The following LFNG variants were observed in gnomAD, a reference collection of about 807,000 sequenced individuals.
LFNG encodes LFNG O-fucosylpeptide 3-beta-N-acetylglucosaminyltransferase, also known as beta-1,3-N-acetylglucosaminyltransferase lunatic fringe.
In LFNG, 15 loss-of-function variants were observed where a neutral mutation model predicts 32.7. The ratio of observed to expected loss-of-function variants is 0.46; its 90% CI spans 0.31 to 0.71. The LOEUF (loss-of-function observed/expected upper bound fraction) is 0.71. Ranked by LOEUF, LFNG falls within the 30% of genes least tolerant of loss-of-function variation. The probability of loss-of-function intolerance (pLI) is 0.06; values close to 1 mark genes in which losing one functional copy is unlikely to be tolerated. For synonymous variants in LFNG, 274 were observed against 246.8 expected, an observed-to-expected ratio of 1.11 and a Z score of -1.03; for missense variants, 520 against 545.7, an observed-to-expected ratio of 0.95 and a Z score of 0.47.
chr7:2,515,015 TGTCTATCCATCCATCCATCCATCCATCC>T (rs1421427454), upstream of LFNG, among the ~76,000 whole-genome samples: 2 of 141,010 alleles, frequency 1.4e-5, no homozygotes, highest in Non-Finnish European at 3.1e-5. Flanking sequence ...TCCATTCATC[TGTCTATCCATCCATCCATCCATCCATCC>T]ATCTGTCCAT....
intron 1 of LFNG, chr7:2,523,620 G>C (rs1355380756): frequency 1.3e-5 from 2 of 152,212 alleles, no homozygotes; most frequent in South Asian, 2.1e-4. Context: ...GGCAGGCCCA[G>C]GCGGGCGCCG....
intron 1 of LFNG, among the ~76,000 whole-genome samples, chr7:2,521,741 A>G (rs984860208): frequency 2.0e-5 from 3 of 152,236 alleles, no homozygotes; most frequent in African/African-American, 7.2e-5. Context: ...GGATGTGGTC[A>G]GAGGGCTGGG....
chr7:2,526,143 T>A lies in LFNG; in HGVS notation c.822-101T>A. 1 of 1,295,454 alleles carries A rather than the reference T, an allele frequency of 7.7e-7. No individual in the cohort carries two copies. Among genetic ancestry groups the A allele is most frequent in the Non-Finnish European group, 1.1e-6 (1 of 917,556 alleles). 80.2% of individuals were successfully genotyped at this position (1,295,454 alleles called of 1,614,324 possible). A position where few individuals can be genotyped will look rare whatever the true frequency, so the allele number is the denominator to read the frequency against. The stretch of plus-strand genomic sequence containing the variant: ...AGCCCAGAGCTCTCCTCAGGGCTCC[T>A]CTCCCTGAGGAGTGCAGCGCCTTTG... On this transcript the variant is annotated intron_variant, in intron 5 of 7. Coordinates refer to ENST00000222725, the MANE Select transcript of LFNG (RefSeq NM_001040167.2). This position sits in a 1 kb window ranked among gnomAD's most constrained non-coding sequence, Gnocchi z 6.9.
Position 2,526,493 on chromosome 7 carries a change from G to T in LFNG, c.987+84G>T, listed in dbSNP as rs894395517. 4 of 1,480,712 alleles carry T rather than the reference G, an allele frequency of 2.7e-6. No individual in the cohort carries two copies. Among genetic ancestry groups the T allele is most frequent in the East Asian group, 4.6e-5 (2 of 43,916 alleles). 91.7% of individuals were successfully genotyped at this position (1,480,712 alleles called of 1,614,324 possible). ...GCCGAGAGGGGCGCAGTGGGGTGGGGCACTGTTCTAAACAGGGAGGCCAGG... is the reference window on the plus strand; with the variant it reads ...GCCGAGAGGGGCGCAGTGGGGTGGGTCACTGTTCTAAACAGGGAGGCCAGG... On this transcript the variant is annotated intron_variant, in intron 6 of 7. Coordinates refer to ENST00000222725, the MANE Select transcript of LFNG (RefSeq NM_001040167.2). This position sits in a 1 kb window ranked among gnomAD's most constrained non-coding sequence, Gnocchi z 6.9.
At chr7:2,512,604 A>G in exon 1 of LFNG, 4 of 1,578,072 alleles carry the variant, frequency 2.5e-6, no homozygotes, top group Non-Finnish European at 3.5e-6. Flanking sequence ...GCTCCTGGCC[A>G]CCCTCGCAGC....
At chr7:2,528,841 TCA>T, downstream of LFNG, 1 of 609,780 alleles carries the variant, frequency 1.6e-6, no homozygotes, top group Middle Eastern at 2.5e-4. Context: ...TGCCACGAGC[TCA>T]CAGAGTCCAC....
upstream of LFNG, among the ~76,000 whole-genome samples, chr7:2,519,559 G>A (rs1018492922): frequency 1.9e-4 from 29 of 151,042 alleles, no homozygotes; most frequent in Non-Finnish European, 3.5e-4. Context: ...GGCTACCCGG[G>A]GCGGGGGGGG....
In LFNG at chr7:2,528,207, A is replaced by G; in HGVS notation, c.*995A>G. 1.0e-6 allele frequency: 1 copy of G among 985,824 alleles called. No individual in the cohort carries two copies. The highest frequency in any genetic ancestry group is 1.2e-6 in the Non-Finnish European group (1 of 829,952). 61.1% of individuals were successfully genotyped at this position (985,824 alleles called of 1,614,324 possible). On this transcript the variant is annotated 3_prime_UTR_variant, in exon 8 of 8. Transcript: ENST00000222725. ...GGCACTCTGTGTATTTATGCGTTCC[A>G]GCATCTGGAACCTCCCATCCCTGCC... is the stretch of plus-strand genomic sequence containing the variant.
At chr7:2,528,716 C>CA (rs1208850910), downstream of LFNG, among the ~76,000 whole-genome samples, 2 of 152,268 alleles carry the variant, frequency 1.3e-5, no homozygotes, top group Non-Finnish European at 1.5e-5. Context: ...AGGTCCCAGC[C>CA]AAAAGCACAA....
upstream of LFNG, chr7:2,517,598 AGCCCCATCCCCTG>A (rs1386680427): frequency 4.6e-6 from 2 of 437,392 alleles, no homozygotes; most frequent in Admixed American, 5.1e-5. Flanking sequence ...CAGGGCAGGA[AGCCCCATCCCCTG>A]GCCTGGGAAC....
upstream of LFNG, chr7:2,517,637 T>G: frequency 4.4e-6 from 2 of 452,910 alleles, no homozygotes; most frequent in Non-Finnish European, 8.9e-6. Flanking sequence ...GGAGATGGAC[T>G]CACAGCATCT....
chr7:2,514,878 T>TCATCTGTCCATCCATCCATC (rs1779582412), upstream of LFNG, among the ~76,000 whole-genome samples: 1 of 81,244 alleles, frequency 1.2e-5, no homozygotes, highest in African/African-American at 4.1e-5. Context: ...ATCCATCCAT[T>TCATCTGTCCATCCATCCATC]CATCCATGCA....
chr7:2,512,553 G>A (rs1779520336), exon 1 of LFNG: 7 of 1,001,338 alleles, frequency 7.0e-6, no homozygotes, highest in Non-Finnish European at 1.1e-5. Flanking sequence ...CACTGGCAGA[G>A]CCTCCCAAGG....
At chr7:2,525,817 CCA>C in intron 5 of LFNG, 47 bp downstream of exon 5, 1 of 1,511,484 alleles carries the variant, frequency 6.6e-7, no homozygotes, top group South Asian at 1.1e-5. Flanking sequence ...AGGCTCCTCG[CCA>C]CTGTGGGGCC....
upstream of LFNG, among the ~76,000 whole-genome samples, chr7:2,518,119 C>T (rs1299577727): frequency 4.6e-5 from 7 of 152,140 alleles, no homozygotes; most frequent in African/African-American, 1.7e-4. Flanking sequence ...GAGGCTGGGG[C>T]TGGGCTGGGA....
chr7:2,518,065 C>T (rs1388410007), upstream of LFNG: 16 of 398,712 alleles, frequency 4.0e-5, no homozygotes, highest in South Asian at 4.9e-4. Context: ...CTGAAGTCAG[C>T]GGTGTGACTG....
At chr7:2,517,946 T>C (rs1057278674), upstream of LFNG, 2 of 1,149,144 alleles carry the variant, frequency 1.7e-6, no homozygotes, top group Non-Finnish European at 2.2e-6. Flanking sequence ...GTAAAGCAGG[T>C]AGGATAGGAG....
rs1326342455 is a variant in LFNG at position 2,520,213 on chromosome 7, G to A, written c.352G>A (p.Ala118Thr). Residue 118 changes from alanine (A) to threonine (T), a missense_variant, in exon 1 of 8, where the codon GCT becomes ACT. Coordinates refer to ENST00000222725, the MANE Select transcript of LFNG (RefSeq NM_001040167.2). This position sits in a 1 kb window ranked among gnomAD's most constrained non-coding sequence, Gnocchi z 5.0. ...GCTCGCGCCCCGAGACGTCTTCATC[G>A]CTGTCAAGACCACCAAAAAGTTCCA... is the stretch of plus-strand genomic sequence containing the variant. ...EPLAPRDVFI[A>T]VKTTKKFHRA... 1.9e-6 allele frequency: 3 copies of A among 1,605,790 alleles called. No homozygotes were observed. Among genetic ancestry groups the A allele is most frequent in the South Asian group, 1.1e-5 (1 of 90,652 alleles).
upstream of LFNG, among the ~76,000 whole-genome samples, chr7:2,515,093 TCC>T (rs1175056179): frequency 2.7e-4 from 40 of 147,472 alleles, no homozygotes; most frequent in African/African-American, 6.4e-4. Flanking sequence ...CATCCATCCA[TCC>T]GTCTGTCTGT....
Sources: allele counts gnomAD v4.1 joint callset (sites outside exome capture counted in the v4.1 genomes callset), GRCh38; gene constraint gnomAD v4.1.1; non-coding constraint Gnocchi (gnomAD v3.1); transcripts MANE v1.5; gene names NCBI Gene and HGNC (gene_info 2026-07-23, HGNC 2026-07-21).